The following BLM variants were observed in gnomAD, a reference collection of about 807,000 sequenced individuals.
BLM encodes recQ-like DNA helicase BLM.
In BLM, 95 loss-of-function variants were observed where a neutral mutation model predicts 135.3. The observed-to-expected ratio is 0.70, with a 90% CI of 0.59 to 0.83. BLM has a LOEUF of 0.83. Ranked by LOEUF, BLM falls within the 40% of genes least tolerant of loss-of-function variation. The probability of loss-of-function intolerance (pLI) is 0.00; values close to 1 mark genes in which losing one functional copy is unlikely to be tolerated. For missense variants in BLM, 1,518 were observed against 1,663.9 expected (o/e 0.91, Z 1.53); for synonymous variants, 520 against 589.2 (o/e 0.88, Z 1.70).
At chr15:90,739,733 A>G (rs28364262) in intron 1 of BLM, among the ~76,000 whole-genome samples, 10,519 of 152,212 alleles carry the variant, frequency 0.069, 1,201 homozygotes, top group African/African-American at 0.23. Flanking sequence ...TTCTTGTGGC[A>G]TTTTAAATAA....
At chr15:90,741,628 G>A (rs1351379600) in intron 1 of BLM, among the ~76,000 whole-genome samples, 1 of 151,988 alleles carries the variant, frequency 6.6e-6, no homozygotes, top group African/African-American at 2.4e-5. Context: ...AAGGGTCTGA[G>A]ATTTTACCCT....
Position 90,763,056 on chromosome 15 carries a change from T to C in BLM, c.1973T>C (p.Ile658Thr), listed in dbSNP as rs187379039. 18 of 1,614,034 alleles carry C rather than the reference T, an allele frequency of 1.1e-5. No homozygotes were observed. The highest frequency in any genetic ancestry group is 2.2e-5 in the East Asian group (1 of 44,872). The change falls in exon 8 of 22, where the codon ATT becomes ACT. Residue 658 changes from isoleucine to threonine, a missense_variant. Physicochemically the swap from Ile to Thr is moderately conservative, Grantham distance 89 (BLOSUM62 -1). Coordinates refer to ENST00000355112, the MANE Select transcript of BLM (RefSeq NM_000057.4). Reference sequence around the variant, plus strand: ...CCTCATACAAAGGAAATGATGAAGATTTTTCATAAAAAATTTGGCCTGCAT... The same window carrying C: ...CCTCATACAAAGGAAATGATGAAGACTTTTCATAAAAAATTTGGCCTGCAT... ...SFPHTKEMMK[I>T]FHKKFGLHNF...
chr15:90,811,094 G>A lies in BLM; in HGVS notation c.3875-111G>A, dbSNP rs544014216. ...ATTGTTGAATCCATATGGCAGGGAA[G>A]CAGCTAGGTATCTGCTAAAATGGGC... On this transcript the variant is annotated intron_variant, in intron 20 of 21. Coordinates refer to ENST00000355112, the MANE Select transcript of BLM (RefSeq NM_000057.4). 4.2e-5 allele frequency: 46 copies of A among 1,102,518 alleles called. No homozygotes were observed. In the Admixed American group the frequency reaches 7.0e-4, roughly 17 times the overall value. 68.3% of individuals were successfully genotyped at this position (1,102,518 alleles called of 1,614,324 possible).
At chr15:90,738,586 A>C (rs1415170730) in intron 1 of BLM, among the ~76,000 whole-genome samples, 1 of 151,530 alleles carries the variant, frequency 6.6e-6, no homozygotes, top group Non-Finnish European at 1.5e-5. Flanking sequence ...AAACAAAACA[A>C]AACAAAACAA....
chr15:90,782,789 A>G, intron 12 of BLM, 33 bp from the exon 13 acceptor site: 1 of 1,506,544 alleles, frequency 6.6e-7, no homozygotes. Context: ...ATTTTCTCAT[A>G]ATAACTAAAT....
intron 1 of BLM, among the ~76,000 whole-genome samples, chr15:90,728,030 G>A (rs28557309): frequency 2.2e-4 from 33 of 152,096 alleles, no homozygotes; most frequent in African/African-American, 7.5e-4. Flanking sequence ...TTCTCTTAAC[G>A]ACTTTCAATT....
chr15:90,811,745 C>T (rs927755844), intron 21 of BLM, among the ~76,000 whole-genome samples: 11 of 152,112 alleles, frequency 7.2e-5, no homozygotes, highest in Admixed American at 5.2e-4. Context: ...GCAACCTCTG[C>T]CTCCTGTACT....
At chr15:90,779,382 GA>G (rs988758895) in intron 12 of BLM, among the ~76,000 whole-genome samples, 2 of 151,824 alleles carry the variant, frequency 1.3e-5, no homozygotes, top group African/African-American at 4.8e-5. Flanking sequence ...TTTAATGTGG[GA>G]AAAAGCAATA....
intron 17 of BLM, among the ~76,000 whole-genome samples, chr15:90,802,347 T>C (rs1897184144): frequency 6.6e-6 from 1 of 152,244 alleles, no homozygotes; most frequent in Non-Finnish European, 1.5e-5. Flanking sequence ...CTTAAGTAGA[T>C]TGTTACAATA....
In BLM at chr15:90,792,826, A is replaced by C. The variant is rs77807054; in HGVS notation, c.3020-1341A>C. On this transcript the variant is annotated intron_variant, in intron 15 of 21. Transcript: ENST00000355112. Reference sequence around the variant, plus strand: ...AATGGTAGAGCCCTGACAGAACCCAAGTTCGTCTGATTCCAAAGTCCATGT... The same window carrying C: ...AATGGTAGAGCCCTGACAGAACCCACGTTCGTCTGATTCCAAAGTCCATGT... Among the ~76,000 whole-genome samples the C allele has an allele frequency of 2.8e-3, 422 of 152,240 alleles. 4 individuals are homozygous for C. The highest frequency in any genetic ancestry group is 1.0e-2 in the African/African-American group (414 of 41,508).
rs150940671 is a variant in BLM at position 90,794,115 on chromosome 15, G to A, written c.3020-52G>A. 6 of 1,305,116 alleles carry A rather than the reference G, an allele frequency of 4.6e-6. No individual in the cohort carries two copies. In the East Asian group the frequency reaches 9.4e-5, roughly 20 times the overall value. 80.8% of individuals were successfully genotyped at this position (1,305,116 alleles called of 1,614,324 possible). A position where few individuals can be genotyped will look rare whatever the true frequency, so the allele number is the denominator to read the frequency against. On this transcript the variant is annotated intron_variant, in intron 15 of 21. Transcript: ENST00000355112. ...TCTATTCTAAATATTTCTATGATAT[G>A]CTCTATTTTTCCCCTATAAGTATGT...
chr15:90,770,177 C>CT (rs1555420976), intron 12 of BLM, among the ~76,000 whole-genome samples: 6,442 of 128,068 alleles, frequency 0.05, 245 homozygotes, highest in Non-Finnish European at 0.075. Context: ...TCCCCCCCCC[C>CT]TTTTTTTTTT....
At chr15:90,744,650 G>A (rs1049655563) in intron 1 of BLM, among the ~76,000 whole-genome samples, 13 of 151,990 alleles carry the variant, frequency 8.6e-5, no homozygotes, top group Non-Finnish European at 1.5e-4. Context: ...GATTACAGGC[G>A]TGAGCCACCG....
chr15:90,769,262 C>T (rs754797303), intron 11 of BLM, 31 bp downstream of exon 11: 19 of 1,560,756 alleles, frequency 1.2e-5, no homozygotes, highest in East Asian at 4.5e-5. Flanking sequence ...CCGGAAATAC[C>T]GATAAATACA....
At chr15:90,788,579 G>T (rs1421117778) in intron 14 of BLM, among the ~76,000 whole-genome samples, 1 of 149,248 alleles carries the variant, frequency 6.7e-6, no homozygotes, top group South Asian at 2.1e-4. Context: ...AGAGAGTTTG[G>T]CAAAAAACCT....
intron 16 of BLM, among the ~76,000 whole-genome samples, chr15:90,795,753 G>C (rs1057339108): frequency 3.3e-5 from 5 of 152,332 alleles, no homozygotes; most frequent in African/African-American, 1.2e-4. Context: ...AGGGAGGCCA[G>C]TTACAAACAA....
intron 1 of BLM, among the ~76,000 whole-genome samples, chr15:90,742,115 GTTTAAT>G (rs1895378400): frequency 6.6e-6 from 1 of 152,192 alleles, no homozygotes; most frequent in Non-Finnish European, 1.5e-5. Flanking sequence ...TGTGTTTGAT[GTTTAAT>G]TTTATCAGAG....
chr15:90,736,500 A>T (rs1312998317), intron 1 of BLM, among the ~76,000 whole-genome samples: 1 of 152,132 alleles, frequency 6.6e-6, no homozygotes, highest in Admixed American at 6.5e-5. Flanking sequence ...GGACTCAAGC[A>T]ATCCTGTCTC....
chr15:90,737,343 A>AT (rs1895246397), intron 1 of BLM, among the ~76,000 whole-genome samples: 1 of 152,196 alleles, frequency 6.6e-6, no homozygotes, highest in Non-Finnish European at 1.5e-5. Flanking sequence ...AGAAGTGTTT[A>AT]TATTTCCTAG....
Sources: gnomAD v4.1 joint callset for allele counts (sites outside exome capture counted in the v4.1 genomes callset) on GRCh38, gnomAD v4.1.1 for gene constraint, MANE v1.5 for transcripts, NCBI Gene and HGNC (gene_info 2026-07-23, HGNC 2026-07-21) for gene names.